Variants in ITPRID2 observed in about 807,000 individuals in gnomAD.
The protein encoded by ITPRID2 is ITPR interacting domain containing 2.
A neutral mutation model predicts 124.3 loss-of-function variants in ITPRID2; 60 were observed. The ratio of observed to expected loss-of-function variants is 0.48; its 90% CI spans 0.39 to 0.60. The LOEUF (loss-of-function observed/expected upper bound fraction) is 0.60. Ranked by LOEUF, ITPRID2 falls within the 20% of genes least tolerant of loss-of-function variation. The pLI, the probability that ITPRID2 is intolerant of heterozygous loss-of-function variation, is 0.00. For missense variants in ITPRID2, 1,553 were observed against 1,512.2 expected, an observed-to-expected ratio of 1.03 and a Z score of -0.45; for synonymous variants, 521 against 542.9, an observed-to-expected ratio of 0.96 and a Z score of 0.56.
Position 181,908,262 on chromosome 2 carries a change from A to G in ITPRID2, c.1414-1637A>G, listed in dbSNP as rs148645535. On this transcript the variant is annotated intron_variant, in intron 8 of 17. Transcript: ENST00000431877. ...ACCCAGTCTCAAAATAAATAAATAG[A>G]TTAAATTTAAAAAAAACATGACAGT... Among the ~76,000 whole-genome samples the G allele has an allele frequency of 7.9e-5, 12 of 152,148 alleles. No homozygotes were observed. The East Asian group carries it at 2.3e-3, about 29-fold the overall frequency.
rs2125097693 is a variant in ITPRID2 at position 181,915,649 on chromosome 2, A to T, written c.2009A>T (p.Glu670Val). 2 of 1,614,230 alleles carry T rather than the reference A, an allele frequency of 1.2e-6. No individual in the cohort carries two copies. The highest frequency in any genetic ancestry group is 2.2e-5 in the South Asian group (2 of 91,090). ...HHILKSLASI[E>V]AKCSDMSSEN... is the part of the protein sequence containing the mutation. ...ATTCTGAAATCATTGGCTTCTATTG[A>T]AGCTAAATGCAGTGATATGAGCTCT... The change falls in exon 11 of 18, where the codon GAA (glutamate) becomes GTA (valine). Residue 670 changes from glutamate to valine, a missense_variant. By Grantham distance (121) the Glu-to-Val change is moderately radical (BLOSUM62 -2). Coordinates refer to ENST00000431877, the MANE Select transcript of ITPRID2 (RefSeq NM_001130445.3).
At chr2:181,929,073 C>T (rs921035045) in intron 17 of ITPRID2, among the ~76,000 whole-genome samples, 4 of 151,718 alleles carry the variant, frequency 2.6e-5, no homozygotes, top group Non-Finnish European at 5.9e-5. Context: ...CATTTTATCT[C>T]GTAGCTCTAA....
Position 181,892,659 on chromosome 2 carries a change from C to G in ITPRID2, c.256C>G (p.Arg86Gly). Residue 86 changes from arginine to glycine, a missense_variant and splice_region_variant, in exon 2 of 18, where the codon CGT becomes GGT. Physicochemically the swap from Arg to Gly is moderately radical, Grantham distance 125. Transcript: ENST00000431877. This position sits in a 1 kb window ranked among gnomAD's most constrained non-coding sequence, Gnocchi z 5.2. ...GATCGCGATATGGCTCAAGGACTGC[C>G]GGTGAGTGCTCCCTGGTCCGCCCGC... ...EKIAIWLKDC[R>G]TPLGASLDEQ... The G allele has an allele frequency of 6.2e-7, 1 of 1,614,078 alleles. No homozygotes were observed. Among genetic ancestry groups the G allele is most frequent in the Non-Finnish European group, 8.5e-7 (1 of 1,179,986 alleles).
At chr2:181,895,387 A>G (rs1354382889) in intron 2 of ITPRID2, among the ~76,000 whole-genome samples, 1 of 152,100 alleles carries the variant, frequency 6.6e-6, no homozygotes, top group Admixed American at 6.5e-5. Flanking sequence ...CTTAATGTTG[A>G]TTCTCAAGTC....
At position 181,901,859 on chromosome 2, in the gene ITPRID2, G is replaced by A. The variant is rs1382687883; in HGVS notation, c.806G>A (p.Gly269Glu). The change falls in exon 8 of 18, where the codon GGA (glycine) becomes GAA (glutamate). Residue 269 changes from glycine to glutamate, a missense_variant. Coordinates refer to ENST00000431877, the MANE Select transcript of ITPRID2 (RefSeq NM_001130445.3). ...TCCGGGACGCCCCTGCAGAGAATTG[G>A]AAGTATGTCCTCAGTGACCTCTAAC... ...QVSGTPLQRI[G>E]SMSSVTSNKE... The A allele has an allele frequency of 4.3e-6, 7 of 1,613,758 alleles. No individual in the cohort carries two copies. Among genetic ancestry groups the A allele is most frequent in the African/African-American group, 4.0e-5 (3 of 74,876 alleles).
chr2:181,928,925 C>T (rs1326639360), intron 17 of ITPRID2, among the ~76,000 whole-genome samples: 1 of 151,914 alleles, frequency 6.6e-6, no homozygotes, highest in East Asian at 1.9e-4. Flanking sequence ...CGCGCCCGGC[C>T]GAATTAATCA....
chr2:181,915,868 C>T lies in ITPRID2; in HGVS notation c.2228C>T (p.Thr743Ile), dbSNP rs746731014. The T allele has an allele frequency of 6.2e-7, 1 of 1,614,224 alleles. No homozygotes were observed. Among genetic ancestry groups the T allele is most frequent in the East Asian group, 2.2e-5 (1 of 44,882 alleles). ...AGAAGGTCTCAGTCTTTACCAACCA[C>T]CTTATTGAGCCCAGTAAGGGTTGTG... The part of the protein sequence containing the change: ...PLRRSQSLPT[T>I]LLSPVRVVSS... Residue 743 changes from threonine to isoleucine, a missense_variant, in exon 11 of 18, where the codon ACC (threonine) becomes ATC (isoleucine). Transcript: ENST00000431877.
chr2:181,900,739 A>T lies in ITPRID2; in HGVS notation c.547A>T (p.Ile183Phe), dbSNP rs759669260. The change falls in exon 7 of 18, where the codon ATT (isoleucine) becomes TTT (phenylalanine). Residue 183 changes from isoleucine to phenylalanine, a missense_variant. Transcript: ENST00000431877. ...ACTTTATGAGGAAGATCCTGAAGAA[A>T]TTCTTTATAATCTTGGATTTGGACG... ...LELYEEDPEE[I>F]LYNLGFGRDE... 1.2e-6 allele frequency: 2 copies of T among 1,612,222 alleles called. No individual in the cohort carries two copies.
chr2:181,911,905 C>T (rs1316836423), intron 9 of ITPRID2, among the ~76,000 whole-genome samples: 1 of 152,114 alleles, frequency 6.6e-6, no homozygotes, highest in Non-Finnish European at 1.5e-5. Flanking sequence ...TACCCATTGC[C>T]CCAAACCTGC....
chr2:181,915,709 G>C lies in ITPRID2; in HGVS notation c.2069G>C (p.Arg690Thr). 6.2e-7 allele frequency: 1 copy of C among 1,614,124 alleles called. No individual in the cohort carries two copies. Among genetic ancestry groups the C allele is most frequent in the Non-Finnish European group, 8.5e-7 (1 of 1,180,042 alleles). ...NTTGPPSSMD[R>T]VNTALQRAQM... ...ACTGGGCCTCCCTCTTCCATGGACA[G>C]AGTTAATACAGCTTTGCAAAGAGCT... Residue 690 changes from arginine to threonine, a missense_variant, in exon 11 of 18, where the codon AGA becomes ACA. Transcript: ENST00000431877.
chr2:181,894,331 C>T (rs1264835932), intron 2 of ITPRID2: 1 of 152,130 alleles, frequency 6.6e-6, no homozygotes, highest in East Asian at 1.9e-4. Context: ...GTTTTGTTGC[C>T]AATACTGATT....
intron 16 of ITPRID2, among the ~76,000 whole-genome samples, chr2:181,922,973 T>G (rs930957613): frequency 6.6e-6 from 1 of 152,162 alleles, no homozygotes; most frequent in African/African-American, 2.4e-5. Context: ...AGAAAATGAT[T>G]TTGTGATTTT....
In ITPRID2 at chr2:181,916,052, A is replaced by G; in HGVS notation, c.2412A>G (p.Pro804=). The G allele has an allele frequency of 1.2e-6, 2 of 1,614,214 alleles. No homozygotes were observed. The highest frequency in any genetic ancestry group is 2.2e-5 in the South Asian group (2 of 91,078). The change falls in exon 11 of 18, where the codon CCA becomes CCG. Residue 804 remains proline, a synonymous_variant. Transcript: ENST00000431877. Reference sequence around the variant, plus strand: ...TTAAATCGACCATTTTCATCTCTCCATCATCTGTGAAGAAAGAAGAAGCCC... The same window carrying G: ...TTAAATCGACCATTTTCATCTCTCCGTCATCTGTGAAGAAAGAAGAAGCCC... ...SLVKSTIFIS[P]SSVKKEEAPQ... is the part of the protein sequence containing the mutation.
chr2:181,903,208 C>T (rs1248378677), intron 8 of ITPRID2, among the ~76,000 whole-genome samples: 2 of 152,154 alleles, frequency 1.3e-5, no homozygotes, highest in Non-Finnish European at 2.9e-5. Context: ...ACTGATTTTA[C>T]CAAGCATCTA....
Position 181,929,752 on chromosome 2 carries a change from C to A in ITPRID2, c.*205C>A. 1.3e-6 allele frequency: 1 copy of A among 746,452 alleles called. No homozygotes were observed. Among genetic ancestry groups the A allele is most frequent in the East Asian group, 2.9e-5 (1 of 34,174 alleles). The allele number at this position is 746,452 out of a possible 1,614,324, so 46.2% of individuals were successfully genotyped here. ...ACTTAGGCACTTTGCTATTTCTTTT[C>A]TAAACTATCAAAAACTCTAGCAGTT... On this transcript the variant is annotated 3_prime_UTR_variant, in exon 18 of 18. Coordinates refer to ENST00000431877, the MANE Select transcript of ITPRID2 (RefSeq NM_001130445.3).
At chr2:181,926,311 G>T (rs747740595) in intron 16 of ITPRID2, among the ~76,000 whole-genome samples, 1 of 152,136 alleles carries the variant, frequency 6.6e-6, no homozygotes, top group African/African-American at 2.4e-5. Flanking sequence ...TATTCATTTT[G>T]TGTCCATTGA....
rs780122709 is a variant in ITPRID2, at chr2:181,922,291, C to T, written c.3554C>T (p.Pro1185Leu). 4 of 1,614,178 alleles carry T rather than the reference C, an allele frequency of 2.5e-6. No individual in the cohort carries two copies. Among genetic ancestry groups the T allele is most frequent in the Non-Finnish European group, 3.4e-6 (4 of 1,180,040 alleles). Residue 1185 changes from proline (P) to leucine (L), a missense_variant, in exon 16 of 18, where the codon CCA becomes CTA. By Grantham distance (98) the Pro-to-Leu change is moderately conservative. Transcript: ENST00000431877. ...SEEVDAAEGA[P>L]EVVGPKSEVE... ...GAAGTTGATGCAGCTGAAGGAGCCC[C>T]AGAAGTTGTAGGACCTAAATCTGAA...
Position 181,922,185 on chromosome 2 carries a change from C to T in ITPRID2, c.3448C>T (p.Arg1150Ter), listed in dbSNP as rs756842348. The T allele has an allele frequency of 4.3e-6, 7 of 1,614,070 alleles. No individual in the cohort carries two copies. Among genetic ancestry groups the T allele is most frequent in the African/African-American group, 1.3e-5 (1 of 74,912 alleles). ...ATTAGTGGCAAGGAAGAAAGTGTTCCGAGCATCGGTGGCTCTAACGCCAAC... is the reference window on the plus strand; with the variant it reads ...ATTAGTGGCAAGGAAGAAAGTGTTCTGAGCATCGGTGGCTCTAACGCCAAC... ...TPLVARKKVFRASVALTPTAP... is the reference protein window; with the variant it reads ...TPLVARKKVF The change falls in exon 16 of 18, where the codon CGA becomes TGA. Residue 1150 changes from arginine to a stop codon, truncating the protein, a stop_gained. Coordinates refer to ENST00000431877, the MANE Select transcript of ITPRID2 (RefSeq NM_001130445.3). LOFTEE classifies it high-confidence loss of function.
Position 181,902,018 on chromosome 2 carries a change from A to G in ITPRID2, c.965A>G (p.Glu322Gly). ...AGTAGTAGTCCTTCTCCATCAGCTG[A>G]AAAAGGAAAGATTCTAAATGTTTCA... ...GESSSPSPSA[E>G]KGKILNVSVI... Residue 322 changes from glutamate (E) to glycine (G), a missense_variant, in exon 8 of 18, where the codon GAA becomes GGA. By Grantham distance (98) the Glu-to-Gly change is moderately conservative. Transcript: ENST00000431877. The surrounding 1 kb of genome is among the most constrained non-coding windows in gnomAD (Gnocchi z 4.4). The G allele has an allele frequency of 6.2e-7, 1 of 1,613,840 alleles. No individual in the cohort carries two copies. The highest frequency in any genetic ancestry group is 8.5e-7 in the Non-Finnish European group (1 of 1,179,882).
Sources: gnomAD v4.1 joint callset for allele counts (sites outside exome capture counted in the v4.1 genomes callset) on GRCh38, gnomAD v4.1.1 for gene constraint, Gnocchi (gnomAD v3.1) non-coding constraint, MANE v1.5 for transcripts, NCBI Gene and HGNC (gene_info 2026-07-23, HGNC 2026-07-21) for gene names.